TMCO5A: variants seen among roughly 807,000 people sequenced by gnomAD.
TMCO5A encodes transmembrane and coiled-coil domain-containing protein 5A.
TMCO5A carries 34 observed loss-of-function variants against 42.3 expected under a neutral mutation model. The ratio of observed to expected loss-of-function variants is 0.80; its 90% confidence interval spans 0.61 to 1.07. TMCO5A has a LOEUF of 1.07. TMCO5A is among the 50% of genes least tolerant of loss of function. The pLI, the probability that TMCO5A is intolerant of heterozygous loss-of-function variation, is 0.00. For synonymous variants in TMCO5A, 131 were observed against 115.6 expected (o/e 1.13, Z -0.86); for missense variants, 357 against 327.9 (o/e 1.09, Z -0.69).
the TMCO5A span, among the ~76,000 whole-genome samples, chr15:37,989,280 T>C: frequency 6.6e-6 from 1 of 151,954 alleles, no homozygotes; most frequent in Non-Finnish European, 1.5e-5. Context: ...GTTATGCTAA[T>C]TTTCTCTATT....
chr15:37,997,127 C>T, the TMCO5A span, among the ~76,000 whole-genome samples: 1 of 150,994 alleles, frequency 6.6e-6, no homozygotes, highest in African/African-American at 2.4e-5. Context: ...GTTTGACAGT[C>T]ATAAGTTCTG....
the TMCO5A span, among the ~76,000 whole-genome samples, chr15:38,030,928 T>G: frequency 3.3e-5 from 5 of 152,144 alleles, no homozygotes; most frequent in African/African-American, 9.7e-5. Context: ...GTGATGGAAA[T>G]CTTGCTGAGG....
intron 11 of TMCO5A, among the ~76,000 whole-genome samples, chr15:37,966,341 C>T (rs532633791): frequency 9.3e-5 from 14 of 151,302 alleles, no homozygotes; most frequent in African/African-American, 3.4e-4. Flanking sequence ...TGACTATCAT[C>T]GATAACAATT....
the TMCO5A span, among the ~76,000 whole-genome samples, chr15:38,034,562 C>T: frequency 6.6e-6 from 1 of 152,186 alleles, no homozygotes; most frequent in South Asian, 2.1e-4. Flanking sequence ...TAGCCTCTTT[C>T]CCTGGCTCCA....
intron 11 of TMCO5A, among the ~76,000 whole-genome samples, chr15:37,948,428 T>C (rs552246246): frequency 6.6e-6 from 1 of 152,202 alleles, no homozygotes; most frequent in African/African-American, 2.4e-5. Context: ...AAAGGTCAGC[T>C]CCAATTGTCT....
the TMCO5A span, among the ~76,000 whole-genome samples, chr15:38,028,333 A>G: frequency 3.3e-5 from 5 of 152,202 alleles, no homozygotes; most frequent in Non-Finnish European, 7.3e-5. Context: ...TTTGTTAAAG[A>G]TGGCTCAAGT....
At chr15:37,962,461 A>C (rs1447711131) in intron 11 of TMCO5A, among the ~76,000 whole-genome samples, 1 of 151,920 alleles carries the variant, frequency 6.6e-6, no homozygotes, top group Non-Finnish European at 1.5e-5. Context: ...TAAGGATTTT[A>C]GTATCTATCT....
the TMCO5A span, among the ~76,000 whole-genome samples, chr15:38,013,174 C>G: frequency 6.6e-6 from 1 of 152,126 alleles, no homozygotes; most frequent in African/African-American, 2.4e-5. Context: ...CAGAACTCAT[C>G]CAGAAGCCAC....
chr15:37,966,501 C>T (rs1304263092), intron 11 of TMCO5A: 3 of 689,140 alleles, frequency 4.4e-6, no homozygotes, highest in East Asian at 2.7e-5. Context: ...TAAATATACA[C>T]ACCTACTATG....
the TMCO5A span, chr15:37,994,721 C>A: frequency 2.0e-5 from 3 of 152,200 alleles, no homozygotes; most frequent in Non-Finnish European, 4.4e-5. Context: ...AGCCCGTATT[C>A]AGCCACAAGG....
In TMCO5A at chr15:37,935,362, C is replaced by T. The variant is rs1889474597; in HGVS notation, c.-11+14C>T. Reference sequence around the variant, plus strand: ...GGTGTAAAGCAGGTTCGCTATTGACCCCTTGCCTCATCTTCCAGCCTCCTT... The same window carrying T: ...GGTGTAAAGCAGGTTCGCTATTGACTCCTTGCCTCATCTTCCAGCCTCCTT... On this transcript the variant is annotated intron_variant, in intron 2 of 11. Transcript: ENST00000319669. 1 of 152,082 alleles carries T rather than the reference C, an allele frequency of 6.6e-6. No homozygotes were observed. Among genetic ancestry groups the T allele is most frequent in the African/African-American group, 2.4e-5 (1 of 41,366 alleles). 9.4% of individuals were successfully genotyped at this position (152,082 alleles called of 1,614,324 possible). A position where few individuals can be genotyped will look rare whatever the true frequency, so the allele number is the denominator to read the frequency against.
the TMCO5A span, among the ~76,000 whole-genome samples, chr15:38,008,044 T>C: frequency 0.061 from 9,266 of 151,708 alleles, 601 homozygotes; most frequent in African/African-American, 0.17. Flanking sequence ...TACAGGCGCC[T>C]GCCACCACGC....
At chr15:37,954,806 A>G (rs1425228331), downstream of TMCO5A, among the ~76,000 whole-genome samples, 6 of 152,130 alleles carry the variant, frequency 3.9e-5, no homozygotes, top group African/African-American at 1.4e-4. Context: ...AAGTGGGGGT[A>G]CAAAGTTAAG....
chr15:37,941,573 A>G (rs1391246921), intron 7 of TMCO5A, 98 bp from the exon 8 acceptor site: 1 of 900,288 alleles, frequency 1.1e-6, no homozygotes, highest in Non-Finnish European at 1.8e-6. Context: ...CAATTAGAAA[A>G]CCACATTTAG....
At chr15:38,032,926 CTTT>C in the TMCO5A span, among the ~76,000 whole-genome samples, 7 of 100,138 alleles carry the variant, frequency 7.0e-5, no homozygotes, top group Non-Finnish European at 6.3e-5. Context: ...AATTTGGTCT[CTTT>C]TTTTTTTTTT....
At chr15:37,966,041 T>C (rs897715012) in intron 11 of TMCO5A, among the ~76,000 whole-genome samples, 4 of 151,820 alleles carry the variant, frequency 2.6e-5, no homozygotes, top group African/African-American at 7.3e-5. Context: ...AAAGAAAATA[T>C]GGTACATCTA....
At chr15:38,013,518 A>T in the TMCO5A span, among the ~76,000 whole-genome samples, 1 of 152,178 alleles carries the variant, frequency 6.6e-6, no homozygotes, top group African/African-American at 2.4e-5. Context: ...CACTCTTGTC[A>T]TCAGTGATGT....
intron 10 of TMCO5A, among the ~76,000 whole-genome samples, chr15:37,946,842 A>C (rs2140279937): frequency 6.6e-6 from 1 of 151,992 alleles, no homozygotes; most frequent in African/African-American, 2.4e-5. Flanking sequence ...AATAGCCTTT[A>C]TTTCTTTCTC....
chr15:37,967,974 T>C (rs1890595534), downstream of TMCO5A, among the ~76,000 whole-genome samples: 1 of 152,172 alleles, frequency 6.6e-6, no homozygotes, highest in African/African-American at 2.4e-5. Context: ...CTTGTGATAA[T>C]AGAAAGGAAT....
Sources: gnomAD v4.1 joint callset for allele counts (sites outside exome capture counted in the v4.1 genomes callset) on GRCh38, gnomAD v4.1.1 for gene constraint, MANE v1.5 for transcripts, NCBI Gene and HGNC (gene_info 2026-07-23, HGNC 2026-07-21) for gene names.